Variants in GPC5 observed in about 807,000 individuals in gnomAD.
The protein encoded by GPC5 is glypican 5.
In GPC5, 47 loss-of-function variants were observed where a neutral mutation model predicts 53.9. That is an observed-to-expected ratio of 0.87 (90% CI 0.69 to 1.11). The LOEUF (loss-of-function observed/expected upper bound fraction) is 1.11, where lower values mean the gene tolerates loss of function less well. GPC5 is among the 50% of genes most tolerant of loss of function. GPC5 has a pLI of 0.00. For missense variants in GPC5, 748 were observed against 713.1 expected, an observed-to-expected ratio of 1.05 and a Z score of -0.56; for synonymous variants, 286 against 263.3, an observed-to-expected ratio of 1.09 and a Z score of -0.84.
At chr13:92,120,870 A>C (rs1284690023) in intron 6 of GPC5, among the ~76,000 whole-genome samples, 3 of 152,218 alleles carry the variant, frequency 2.0e-5, no homozygotes, top group Non-Finnish European at 4.4e-5. Flanking sequence ...TATTCAAATG[A>C]ATTTGAAATT....
intron 7 of GPC5, among the ~76,000 whole-genome samples, chr13:92,671,681 T>C (rs188092145): frequency 1.2e-3 from 178 of 152,242 alleles, no homozygotes; most frequent in African/African-American, 4.1e-3. Context: ...TTATTCACAG[T>C]GGGCTAATTT....
chr13:91,846,811 A>G (rs961519111), intron 5 of GPC5, among the ~76,000 whole-genome samples: 1 of 152,042 alleles, frequency 6.6e-6, no homozygotes, highest in African/African-American at 2.4e-5. Context: ...ATAGTTTTCA[A>G]TGTTTATGGG....
intron 2 of GPC5, among the ~76,000 whole-genome samples, chr13:91,507,039 A>G (rs994651507): frequency 2.6e-5 from 4 of 152,192 alleles, no homozygotes; most frequent in Non-Finnish European, 5.9e-5. Flanking sequence ...GACATATACT[A>G]GATTTTCAAA....
chr13:92,762,745 G>A (rs1875236913), intron 7 of GPC5, among the ~76,000 whole-genome samples: 1 of 151,954 alleles, frequency 6.6e-6, no homozygotes, highest in South Asian at 2.1e-4. Context: ...AAGTTTCATA[G>A]TTTGTCTTCA....
chr13:92,590,318 C>A (rs1883673443), intron 7 of GPC5, among the ~76,000 whole-genome samples: 1 of 151,988 alleles, frequency 6.6e-6, no homozygotes, highest in Non-Finnish European at 1.5e-5. Context: ...TGTTCCTACA[C>A]AAGGCAACAA....
chr13:91,419,134 T>C (rs1032927806), intron 1 of GPC5, among the ~76,000 whole-genome samples: 3 of 152,162 alleles, frequency 2.0e-5, no homozygotes, highest in African/African-American at 7.2e-5. Context: ...CAAGAATAGC[T>C]AATAATTTGA....
chr13:92,284,657 T>C (rs1055157603), intron 7 of GPC5, among the ~76,000 whole-genome samples: 2 of 152,130 alleles, frequency 1.3e-5, no homozygotes, highest in Non-Finnish European at 2.9e-5. Context: ...ATTATCTCAA[T>C]AGATGCAGAA....
chr13:92,630,796 T>A (rs1458974888), intron 7 of GPC5, among the ~76,000 whole-genome samples: 1 of 152,164 alleles, frequency 6.6e-6, no homozygotes, highest in Non-Finnish European at 1.5e-5. Flanking sequence ...AGCAAAACTG[T>A]TGTTAATGCA....
intron 7 of GPC5, among the ~76,000 whole-genome samples, chr13:92,703,009 C>T (rs1212054787): frequency 6.6e-6 from 1 of 151,634 alleles, no homozygotes; most frequent in Non-Finnish European, 1.5e-5. Flanking sequence ...TTCAATTCTT[C>T]CCCCACCCTT....
intron 7 of GPC5, among the ~76,000 whole-genome samples, chr13:92,258,791 A>G (rs1020867332): frequency 2.0e-5 from 3 of 152,112 alleles, no homozygotes; most frequent in Admixed American, 2.0e-4. Flanking sequence ...CATTAAATTG[A>G]TGAAACAGCC....
intron 7 of GPC5, among the ~76,000 whole-genome samples, chr13:92,465,493 C>G (rs1297378236): frequency 6.6e-6 from 1 of 151,990 alleles, no homozygotes; most frequent in Non-Finnish European, 1.5e-5. Flanking sequence ...TACTTAAGGA[C>G]AGATGTCCTA....
At chr13:91,655,854 C>T (rs917175037) in intron 2 of GPC5, among the ~76,000 whole-genome samples, 4 of 152,072 alleles carry the variant, frequency 2.6e-5, no homozygotes, top group Non-Finnish European at 5.9e-5. Context: ...GACTGGTATC[C>T]GGTGTTCAAC....
chr13:91,759,322 C>A lies in GPC5; in HGVS notation c.1280+2902C>A, dbSNP rs892278957. Among the ~76,000 whole-genome samples, 514 of 152,058 alleles carry A rather than the reference C, an allele frequency of 3.4e-3. 2 individuals are homozygous for A. Among genetic ancestry groups the A allele is most frequent in the African/African-American group, 0.012 (488 of 41,504 alleles). On this transcript the variant is annotated intron_variant, in intron 5 of 7. Transcript: ENST00000377067. ...GGCATGCAATGTGTAATAATCACAT[C>A]AGGGTAAATGAGGTACCCATCAACT...
chr13:92,751,245 GA>G (rs756600067), intron 7 of GPC5, among the ~76,000 whole-genome samples: 1 of 113,730 alleles, frequency 8.8e-6, no homozygotes, highest in Non-Finnish European at 1.7e-5. Flanking sequence ...GGAAACATTT[GA>G]AAAGGTACCT....
At chr13:92,062,228 T>C (rs1488211622) in intron 6 of GPC5, among the ~76,000 whole-genome samples, 1 of 151,904 alleles carries the variant, frequency 6.6e-6, no homozygotes, top group Non-Finnish European at 1.5e-5. Context: ...ATTATATAAC[T>C]ATTGATAAGG....
At chr13:92,468,352 T>C (rs1878782919) in intron 7 of GPC5, among the ~76,000 whole-genome samples, 1 of 152,130 alleles carries the variant, frequency 6.6e-6, no homozygotes, top group East Asian at 1.9e-4. Context: ...AAGGTCTGTC[T>C]CACTCCAGAA....
At chr13:91,727,586 A>G (rs9589345) in intron 3 of GPC5, among the ~76,000 whole-genome samples, 11,266 of 152,286 alleles carry the variant, frequency 0.074, 1,414 homozygotes, top group African/African-American at 0.26. Flanking sequence ...AGCTTCTTCA[A>G]TACTCATTAC....
chr13:92,539,174 TG>T (rs1158418151), intron 7 of GPC5, among the ~76,000 whole-genome samples: 4 of 151,392 alleles, frequency 2.6e-5, no homozygotes, highest in Non-Finnish European at 5.9e-5. Flanking sequence ...TATAATCCTT[TG>T]GGTATATACT....
chr13:91,822,796 G>A (rs190347595), intron 5 of GPC5, among the ~76,000 whole-genome samples: 36 of 152,118 alleles, frequency 2.4e-4, no homozygotes, highest in African/African-American at 8.4e-4. Context: ...ATAATCACAG[G>A]TACTTCAAAA....
Sources: allele counts gnomAD v4.1 joint callset (sites outside exome capture counted in the v4.1 genomes callset), GRCh38; gene constraint gnomAD v4.1.1; transcripts MANE v1.5; gene names NCBI Gene and HGNC (gene_info 2026-07-23, HGNC 2026-07-21).